The following KIZ variants were observed in gnomAD, a reference collection of about 807,000 sequenced individuals.
The protein encoded by KIZ is centrosomal protein kizuna.
In KIZ, 68 loss-of-function variants were observed where a neutral mutation model predicts 79.6. The ratio of observed to expected loss-of-function variants is 0.85; its 90% CI spans 0.70 to 1.05. The LOEUF is 1.05. Ranked by LOEUF, KIZ falls within the 50% of genes least tolerant of loss-of-function variation. KIZ has a pLI of 0.00. For synonymous variants in KIZ, 280 were observed against 281.8 expected, an observed-to-expected ratio of 0.99 and a Z score of 0.06; for missense variants, 797 against 800.4, an observed-to-expected ratio of 1.00 and a Z score of 0.05.
chr20:21,226,446 C>G (rs1402458155), intron 9 of KIZ, among the ~76,000 whole-genome samples: 8 of 152,308 alleles, frequency 5.3e-5, no homozygotes, highest in South Asian at 2.1e-4. Flanking sequence ...TTTAGCCAAC[C>G]CTTATTAATT....
At chr20:21,126,043 G>A, upstream of KIZ, 2 of 1,410,648 alleles carry the variant, frequency 1.4e-6, no homozygotes, top group Non-Finnish European at 1.8e-6. Context: ...GTGCATGGTG[G>A]GGCGGTCTCC....
intron 1 of KIZ, among the ~76,000 whole-genome samples, chr20:21,128,784 G>A (rs966932350): frequency 2.0e-5 from 3 of 152,144 alleles, no homozygotes; most frequent in African/African-American, 4.8e-5. Context: ...TTAGCCAGCC[G>A]CGGTTTTTTC....
chr20:21,176,155 C>T (rs527709211), intron 6 of KIZ, among the ~76,000 whole-genome samples: 19 of 152,232 alleles, frequency 1.2e-4, no homozygotes, highest in African/African-American at 4.3e-4. Context: ...ACTAAAAATA[C>T]AAAAATTAGC....
intron 7 of KIZ, among the ~76,000 whole-genome samples, chr20:21,210,783 C>T (rs2036034686): frequency 6.6e-6 from 1 of 150,800 alleles, no homozygotes; most frequent in South Asian, 2.1e-4. Context: ...TTAGGGGCAG[C>T]AATTTGAGAG....
intron 4 of KIZ, among the ~76,000 whole-genome samples, chr20:21,154,866 G>C (rs1281272216): frequency 2.6e-5 from 4 of 152,164 alleles, no homozygotes. Context: ...AAAAAGAAGA[G>C]ACACCTGTCT....
rs780070529 is a variant in KIZ at position 21,162,296 on chromosome 20, G to A, written c.831G>A (p.Pro277=). 14 of 1,613,704 alleles carry A rather than the reference G, an allele frequency of 8.7e-6. No homozygotes were observed. Among genetic ancestry groups the A allele is most frequent in the African/African-American group, 2.7e-5 (2 of 75,022 alleles). ...EGKKSAELNS[P]LRERLSPENR... The stretch of plus-strand genomic sequence containing the variant: ...AAAAGTCTGCTGAACTCAATTCCCC[G>A]TTACGGGAAAGATTAAGTCCAGAGA... Residue 277 remains proline, a synonymous_variant, in exon 5 of 13, where the codon CCG becomes CCA. Transcript: ENST00000619189.
chr20:21,157,714 CAG>C (rs917887521), intron 4 of KIZ, among the ~76,000 whole-genome samples: 3 of 152,140 alleles, frequency 2.0e-5, no homozygotes, highest in African/African-American at 7.2e-5. Flanking sequence ...AGCAGTAACT[CAG>C]GGGCACTTCC....
chr20:21,157,794 T>C (rs1409174352), intron 4 of KIZ, among the ~76,000 whole-genome samples: 2 of 152,256 alleles, frequency 1.3e-5, no homozygotes, highest in Non-Finnish European at 2.9e-5. Flanking sequence ...GCTTGGCCTT[T>C]AGCGGATCAA....
intron 6 of KIZ, among the ~76,000 whole-genome samples, chr20:21,169,237 G>GA (rs535387586): frequency 1.5e-4 from 22 of 150,214 alleles, no homozygotes; most frequent in African/African-American, 2.2e-4. Flanking sequence ...AAATTTACAA[G>GA]AAAAAAAAAC....
At chr20:21,141,112 CT>C (rs1259270263) in intron 3 of KIZ, among the ~76,000 whole-genome samples, 12 of 152,222 alleles carry the variant, frequency 7.9e-5, no homozygotes, top group African/African-American at 2.9e-4. Context: ...TTCTGCCCCC[CT>C]ACTCCCTGTA....
At chr20:21,166,539 TC>T in intron 6 of KIZ, 2 of 1,494,218 alleles carry the variant, frequency 1.3e-6, no homozygotes, top group Non-Finnish European at 1.8e-6. Flanking sequence ...CGTTTGCCTC[TC>T]TTTTCGGCAT....
At chr20:21,238,585 G>A (rs142617212) in intron 11 of KIZ, among the ~76,000 whole-genome samples, 5 of 152,174 alleles carry the variant, frequency 3.3e-5, no homozygotes, top group East Asian at 1.9e-4. Context: ...GTCTGGCTTC[G>A]GGCCCTGACC....
intron 10 of KIZ, among the ~76,000 whole-genome samples, chr20:21,231,093 G>A (rs1167316472): frequency 6.6e-6 from 1 of 152,192 alleles, no homozygotes; most frequent in East Asian, 1.9e-4. Flanking sequence ...AGCACTTTGG[G>A]AAGCCAAGGG....
chr20:21,208,864 G>T (rs892067762), intron 7 of KIZ, among the ~76,000 whole-genome samples: 17 of 152,136 alleles, frequency 1.1e-4, no homozygotes, highest in African/African-American at 4.1e-4. Context: ...GTTTTGGTTT[G>T]CATGTCATAC....
intron 10 of KIZ, among the ~76,000 whole-genome samples, chr20:21,230,720 A>G (rs1263640032): frequency 6.6e-6 from 1 of 152,102 alleles, no homozygotes; most frequent in Non-Finnish European, 1.5e-5. Flanking sequence ...GGTGATTTGA[A>G]CTCAGCAAAC....
At chr20:21,233,132 G>A (rs368531331) in intron 11 of KIZ, among the ~76,000 whole-genome samples, 3 of 152,322 alleles carry the variant, frequency 2.0e-5, no homozygotes, top group Admixed American at 1.3e-4. Flanking sequence ...CACAATGGAG[G>A]TTGTCAGAAA....
chr20:21,166,595 A>G (rs1253049022), intron 6 of KIZ: 5 of 1,259,768 alleles, frequency 4.0e-6, no homozygotes, highest in East Asian at 4.6e-5. Flanking sequence ...CATGCGCACC[A>G]TTGTGGCGGT....
intron 10 of KIZ, among the ~76,000 whole-genome samples, chr20:21,231,893 T>C (rs1161124205): frequency 7.2e-5 from 11 of 152,266 alleles, no homozygotes; most frequent in Admixed American, 6.5e-4. Context: ...TTAGTTTTCA[T>C]GTCTGAAAAG....
chr20:21,148,541 T>C (rs886492541), intron 4 of KIZ, among the ~76,000 whole-genome samples: 2 of 152,190 alleles, frequency 1.3e-5, no homozygotes, highest in African/African-American at 4.8e-5. Context: ...CCCACTCAGA[T>C]CCTCACAAAT....
Sources: gnomAD v4.1 joint callset for allele counts (sites outside exome capture counted in the v4.1 genomes callset) on GRCh38, gnomAD v4.1.1 for gene constraint, MANE v1.5 for transcripts, NCBI Gene and HGNC (gene_info 2026-07-23, HGNC 2026-07-21) for gene names.